Variants in PCDH15 observed in about 807,000 individuals in gnomAD.
PCDH15 encodes the protein protocadherin-15.
A neutral mutation model predicts 178.5 loss-of-function variants in PCDH15; 129 were observed. The ratio of observed to expected loss-of-function variants is 0.72; its 90% CI spans 0.63 to 0.84. The LOEUF (loss-of-function observed/expected upper bound fraction) is 0.84. PCDH15 is among the 40% of genes least tolerant of loss of function. The probability of loss-of-function intolerance (pLI) is 0.00; values close to 1 mark genes in which losing one functional copy is unlikely to be tolerated. For synonymous variants in PCDH15, 800 were observed against 732.0 expected, an observed-to-expected ratio of 1.09 and a Z score of -1.50; for missense variants, 2,230 against 2,099.9, an observed-to-expected ratio of 1.06 and a Z score of -1.21.
At chr10:55,092,959 T>A (rs556561024) in intron 2 of PCDH15, among the ~76,000 whole-genome samples, 3 of 152,066 alleles carry the variant, frequency 2.0e-5, no homozygotes, top group East Asian at 3.9e-4. Context: ...AAACTAAAAC[T>A]AAAACAAAAA....
intron 18 of PCDH15, among the ~76,000 whole-genome samples, chr10:54,047,357 G>A (rs1350020727): frequency 7.3e-6 from 1 of 137,704 alleles, no homozygotes; most frequent in African/African-American, 3.3e-5. Flanking sequence ...CATTCACACT[G>A]CTGTGTGTGG....
chr10:54,659,580 C>T (rs1161975092), intron 2 of PCDH15, among the ~76,000 whole-genome samples: 1 of 151,760 alleles, frequency 6.6e-6, no homozygotes, highest in Non-Finnish European at 1.5e-5. Context: ...TGGTAAAACC[C>T]CATCTCTATT....
chr10:54,898,405 A>G (rs942778044), intron 2 of PCDH15, among the ~76,000 whole-genome samples: 15 of 152,154 alleles, frequency 9.9e-5, no homozygotes, highest in Non-Finnish European at 1.5e-4. Flanking sequence ...TGAAAAAACT[A>G]TAATTTATTA....
At chr10:54,914,117 G>C (rs914052271) in intron 2 of PCDH15, among the ~76,000 whole-genome samples, 1 of 152,110 alleles carries the variant, frequency 6.6e-6, no homozygotes, top group Non-Finnish European at 1.5e-5. Context: ...AGATTTTAGA[G>C]AGGCCAGGGA....
chr10:53,879,895 G>A (rs751011638), intron 26 of PCDH15, among the ~76,000 whole-genome samples: 3 of 152,270 alleles, frequency 2.0e-5, no homozygotes, highest in East Asian at 1.9e-4. Flanking sequence ...CATGTGTTCC[G>A]CCTGCCTTGG....
At chr10:54,194,610 A>ATG (rs33956261) in intron 11 of PCDH15, among the ~76,000 whole-genome samples, 39,631 of 150,658 alleles carry the variant, frequency 0.26, 6,363 homozygotes, top group East Asian at 0.83. Context: ...TTTTATATAT[A>ATG]TGTGTGTGTG....
At chr10:55,269,242 C>T (rs990194367) in intron 1 of PCDH15, among the ~76,000 whole-genome samples, 3 of 151,974 alleles carry the variant, frequency 2.0e-5, no homozygotes, top group East Asian at 3.9e-4. Flanking sequence ...TGCCCACTCT[C>T]GCCCCTCCTA....
chr10:53,826,566 G>A (rs183646189), intron 32 of PCDH15, among the ~76,000 whole-genome samples: 53 of 152,076 alleles, frequency 3.5e-4, no homozygotes, highest in Middle Eastern at 3.4e-3. Flanking sequence ...ATTCTTGGTT[G>A]TTTTACATAT....
At chr10:54,661,767 C>T (rs990250660) in intron 2 of PCDH15, among the ~76,000 whole-genome samples, 3 of 151,838 alleles carry the variant, frequency 2.0e-5, no homozygotes, top group East Asian at 1.9e-4. Flanking sequence ...TGTATAACCA[C>T]GGTTCTTCAA....
chr10:54,675,216 A>G (rs111757504), intron 1 of PCDH15, among the ~76,000 whole-genome samples: 5 of 152,146 alleles, frequency 3.3e-5, no homozygotes, highest in African/African-American at 9.6e-5. Flanking sequence ...TCCTATTAAA[A>G]TGATACAGAC....
chr10:54,065,810 A>C (rs1217998702), intron 18 of PCDH15, among the ~76,000 whole-genome samples: 2 of 152,244 alleles, frequency 1.3e-5, no homozygotes, highest in Non-Finnish European at 2.9e-5. Context: ...TGGTGTGAAC[A>C]TCACAAGATC....
At chr10:54,100,465 T>C (rs952310610) in intron 15 of PCDH15, among the ~76,000 whole-genome samples, 2 of 152,208 alleles carry the variant, frequency 1.3e-5, no homozygotes, top group Admixed American at 6.5e-5. Flanking sequence ...CTTTCACTTA[T>C]AAGCCACATC....
chr10:54,915,831 T>C (rs983946923), intron 2 of PCDH15, among the ~76,000 whole-genome samples: 26 of 152,182 alleles, frequency 1.7e-4, no homozygotes, highest in South Asian at 6.2e-4. Context: ...AGATTACCTA[T>C]TTATTTATTT....
chr10:54,681,372 C>T (rs531319149), intron 1 of PCDH15, among the ~76,000 whole-genome samples: 59 of 151,966 alleles, frequency 3.9e-4, no homozygotes, highest in South Asian at 3.5e-3. Flanking sequence ...AGGCTATCTA[C>T]GGAGGATGTA....
At chr10:54,264,808 G>T (rs2057561671) in intron 8 of PCDH15, among the ~76,000 whole-genome samples, 1 of 152,076 alleles carries the variant, frequency 6.6e-6, no homozygotes, top group South Asian at 2.1e-4. Flanking sequence ...TGAGAGAAAA[G>T]AAAAAATAAC....
chr10:53,929,861 A>G (rs539032367), intron 25 of PCDH15, among the ~76,000 whole-genome samples: 2 of 152,336 alleles, frequency 1.3e-5, no homozygotes, highest in South Asian at 4.1e-4. Context: ...ATGTTTAAAG[A>G]TAATTATAAT....
At chr10:55,214,955 T>C (rs537973759) in intron 1 of PCDH15, among the ~76,000 whole-genome samples, 9 of 152,130 alleles carry the variant, frequency 5.9e-5, no homozygotes, top group Non-Finnish European at 1.0e-4. Context: ...AGCTTGAATT[T>C]GAGAGAGAAC....
At chr10:55,067,125 T>C (rs1841585153) in intron 2 of PCDH15, among the ~76,000 whole-genome samples, 2 of 151,996 alleles carry the variant, frequency 1.3e-5, no homozygotes, top group African/African-American at 4.8e-5. Flanking sequence ...GATGGCTGTA[T>C]ACAAACCAGG....
chr10:54,774,959 C>T (rs1046462494), intron 1 of PCDH15, among the ~76,000 whole-genome samples: 5 of 152,200 alleles, frequency 3.3e-5, no homozygotes, highest in African/African-American at 1.2e-4. Context: ...ATAAGCATCA[C>T]CTTTGTAATT....
Sources: gnomAD v4.1 joint callset for allele counts (sites outside exome capture counted in the v4.1 genomes callset) on GRCh38, gnomAD v4.1.1 for gene constraint, MANE v1.5 for transcripts, NCBI Gene and HGNC (gene_info 2026-07-23, HGNC 2026-07-21) for gene names.